The following GNLY variants were observed in gnomAD, a reference collection of about 807,000 sequenced individuals.
The protein encoded by GNLY is granulysin.
In GNLY, 15 loss-of-function variants were observed where a neutral mutation model predicts 18.5. The ratio of observed to expected loss-of-function variants is 0.81; its 90% CI spans 0.54 to 1.25. GNLY has a LOEUF of 1.25. Ranked by LOEUF, GNLY falls within the 50% of genes most tolerant of loss-of-function variation. The pLI is 0.00. For synonymous variants in GNLY, 77 were observed against 74.9 expected (o/e 1.03, Z -0.14); for missense variants, 178 against 186.9 (o/e 0.95, Z 0.28).
intron 1 of GNLY, 64 bp from the exon 2 acceptor site, chr2:85,695,256 A>G: frequency 8.3e-7 from 1 of 1,201,708 alleles, no homozygotes. Context: ...CCCACCAGCC[A>G]GGAGAACGGG....
At chr2:85,695,128 G>T in intron 1 of GNLY, 192 bp from the exon 2 acceptor site, 1 of 962,016 alleles carries the variant, frequency 1.0e-6, no homozygotes, top group South Asian at 1.6e-5. Flanking sequence ...AGGAACGTGA[G>T]AACACGTGTT....
In GNLY at chr2:85,698,818, T is replaced by C; in HGVS notation, c.*244T>C. On this transcript the variant is annotated 3_prime_UTR_variant, in exon 5 of 5. Coordinates refer to ENST00000263863, the MANE Select transcript of GNLY (RefSeq NM_006433.5). ...GTCAGTGGCATGCTGGGGTGAGCTG[T>C]GTAGTCCTTCAATAAATGTCTGTCG... 6.9e-7 allele frequency: 1 copy of C among 1,452,076 alleles called. No individual in the cohort carries two copies. Among genetic ancestry groups the C allele is most frequent in the Non-Finnish European group, 9.1e-7 (1 of 1,103,692 alleles). 89.9% of individuals were successfully genotyped at this position (1,452,076 alleles called of 1,614,324 possible). A position where few individuals can be genotyped will look rare whatever the true frequency, so the allele number is the denominator to read the frequency against.
At chr2:85,695,732 T>C (rs1045556043) in intron 2 of GNLY, among the ~76,000 whole-genome samples, 9 of 152,016 alleles carry the variant, frequency 5.9e-5, no homozygotes, top group Non-Finnish European at 1.0e-4. Context: ...GGGAAAGTAC[T>C]GGGGGTGTGG....
intron 3 of GNLY, chr2:85,696,370 G>A (rs1296217483): frequency 3.4e-6 from 1 of 298,012 alleles, no homozygotes; most frequent in Non-Finnish European, 6.3e-6. Context: ...CCAAGGCAGA[G>A]TTTGAGAAGC....
Position 85,698,650 on chromosome 2 carries a change from G to C in GNLY, c.*76G>C, listed in dbSNP as rs1263463570. On this transcript the variant is annotated 3_prime_UTR_variant, in exon 5 of 5. Coordinates refer to ENST00000263863, the MANE Select transcript of GNLY (RefSeq NM_006433.5). ...CCGGGAACCTCAGCAACCTCTGCCG[G>C]CTCCTCGCTTCCTCGATCCAGAATC... 6.2e-7 allele frequency: 1 copy of C among 1,610,650 alleles called. No homozygotes were observed. The highest frequency in any genetic ancestry group is 1.7e-5 in the Admixed American group (1 of 59,954).
intron 3 of GNLY, chr2:85,697,223 C>A: frequency 2.5e-6 from 1 of 395,514 alleles, no homozygotes. Flanking sequence ...CCATGGGCAC[C>A]ATTCTCCACA....
At chr2:85,697,261 C>G (rs1561285) in intron 3 of GNLY, 200,864 of 489,438 alleles carry the variant, frequency 0.41, 42,615 homozygotes, top group East Asian at 0.6. Flanking sequence ...GTGCACAAGG[C>G]GCTGAGACCC....
intron 1 of GNLY, chr2:85,694,872 G>A (rs897895747): frequency 2.5e-5 from 38 of 1,540,640 alleles, no homozygotes; most frequent in Non-Finnish European, 3.3e-5. Context: ...TCTCTTCTGT[G>A]TTCAAGGCAG....
intron 1 of GNLY, 177 bp from the exon 2 acceptor site, chr2:85,695,143 C>A (rs1678390607): frequency 1.1e-6 from 1 of 907,082 alleles, no homozygotes; most frequent in Non-Finnish European, 1.7e-6. Flanking sequence ...CGTGTTTGTG[C>A]TGAGAGTGGG....
chr2:85,695,050 G>A (rs897647791), intron 1 of GNLY: 84 of 1,514,958 alleles, frequency 5.5e-5, no homozygotes, highest in Non-Finnish European at 7.0e-5. Flanking sequence ...TAGACAAACC[G>A]ACCCCCAAAT....
At chr2:85,694,826 T>C (rs1678375672) in intron 1 of GNLY, 1 of 1,485,538 alleles carries the variant, frequency 6.7e-7, no homozygotes, top group South Asian at 1.3e-5. Context: ...GGGCCTACAC[T>C]GTCTAGGATT....
chr2:85,698,437 T>C (rs779300184), intron 4 of GNLY, 127 bp from the exon 5 acceptor site: 5 of 1,520,450 alleles, frequency 3.3e-6, no homozygotes, highest in Non-Finnish European at 4.5e-6. Flanking sequence ...GCTTCCAGGA[T>C]GTGCCTCTGG....
At position 85,694,407 on chromosome 2, in the gene GNLY, G is replaced by C; in HGVS notation, c.-12G>C. Reference sequence around the variant, plus strand: ...AACAGGGTGTGAAAGGCATCTCAGCGGCTGCCCCACCATGGCTACCTGGGC... The same window carrying C: ...AACAGGGTGTGAAAGGCATCTCAGCCGCTGCCCCACCATGGCTACCTGGGC... On this transcript the variant is annotated 5_prime_UTR_variant, in exon 1 of 5. Transcript: ENST00000263863. 3.1e-6 allele frequency: 5 copies of C among 1,613,802 alleles called. No homozygotes were observed. Among genetic ancestry groups the C allele is most frequent in the East Asian group, 2.2e-5 (1 of 44,884 alleles).
At position 85,698,836 on chromosome 2, in the gene GNLY, G is replaced by T; in HGVS notation, c.*262G>T. 7.0e-7 allele frequency: 1 copy of T among 1,426,818 alleles called. No individual in the cohort carries two copies. Among genetic ancestry groups the T allele is most frequent in the Admixed American group, 2.6e-5 (1 of 37,968 alleles). The allele number at this position is 1,426,818 out of a possible 1,614,324, so 88.4% of individuals were successfully genotyped here. On this transcript the variant is annotated 3_prime_UTR_variant, in exon 5 of 5. Coordinates refer to ENST00000263863, the MANE Select transcript of GNLY (RefSeq NM_006433.5). Reference sequence around the variant, plus strand: ...TGAGCTGTGTAGTCCTTCAATAAATGTCTGTCGTGTGTCCCATACACTGTT... The same window carrying T: ...TGAGCTGTGTAGTCCTTCAATAAATTTCTGTCGTGTGTCCCATACACTGTT...
Position 85,697,540 on chromosome 2 carries a change from G to A in GNLY, c.290G>A (p.Arg97Lys), listed in dbSNP as rs769889036. ...SVSNAATRVC[R>K]TGRSRWRDVC... ...TCCAATGCTGCGACCCGGGTGTGTA[G>A]GACGGGGAGGTCACGATGGCGCGAC... The change falls in exon 4 of 5, where the codon AGG becomes AAG. Residue 97 changes from arginine to lysine, a missense_variant. Physicochemically the swap from Arg to Lys is conservative, Grantham distance 26 (BLOSUM62 2). Transcript: ENST00000263863. The A allele has an allele frequency of 3.7e-6, 6 of 1,613,072 alleles. No individual in the cohort carries two copies. The highest frequency in any genetic ancestry group is 4.2e-6 in the Non-Finnish European group (5 of 1,179,948).
chr2:85,694,517 G>C, intron 1 of GNLY, 47 bp downstream of exon 1: 1 of 1,560,980 alleles, frequency 6.4e-7, no homozygotes. Context: ...ACCCAGCCTC[G>C]CACTCTCAGG....
At position 85,695,376 on chromosome 2, in the gene GNLY, C is replaced by T. The variant is rs766427846; in HGVS notation, c.109C>T (p.Arg37Cys). ...EYYDLARAHL[R>C]DEEKSCPCLA... The stretch of plus-strand genomic sequence containing the variant: ...CTACGACCTGGCAAGAGCCCACCTG[C>T]GTGATGAGGAGAAATCCTGCCCGTG... The change falls in exon 2 of 5, where the codon CGT becomes TGT. Residue 37 changes from arginine to cysteine, a missense_variant. Transcript: ENST00000263863. 16 of 1,613,794 alleles carry T rather than the reference C, an allele frequency of 9.9e-6. No individual in the cohort carries two copies. The highest frequency in any genetic ancestry group is 2.2e-5 in the South Asian group (2 of 91,078).
At position 85,694,361 on chromosome 2, in the gene GNLY, C is replaced by T. The variant is rs1216271827; in HGVS notation, c.-58C>T. 4 of 1,498,212 alleles carry T rather than the reference C, an allele frequency of 2.7e-6. No individual in the cohort carries two copies. Among genetic ancestry groups the T allele is most frequent in the Non-Finnish European group, 3.7e-6 (4 of 1,075,622 alleles). 92.8% of individuals were successfully genotyped at this position (1,498,212 alleles called of 1,614,324 possible). On this transcript the variant is annotated 5_prime_UTR_variant, in exon 1 of 5. Coordinates refer to ENST00000263863, the MANE Select transcript of GNLY (RefSeq NM_006433.5). The stretch of plus-strand genomic sequence containing the variant: ...AGGGCAGGACCTGAGAAAGATTAAG[C>T]TGCAGGCTCCCTGCCCATAAAACAG...
At position 85,698,831 on chromosome 2, in the gene GNLY, T is replaced by C. The variant is rs926078147; in HGVS notation, c.*257T>C. ...TGGGGTGAGCTGTGTAGTCCTTCAATAAATGTCTGTCGTGTGTCCCATACA... is the reference window on the plus strand; with the variant it reads ...TGGGGTGAGCTGTGTAGTCCTTCAACAAATGTCTGTCGTGTGTCCCATACA... On this transcript the variant is annotated 3_prime_UTR_variant, in exon 5 of 5. Transcript: ENST00000263863. 7.0e-7 allele frequency: 1 copy of C among 1,434,454 alleles called. No individual in the cohort carries two copies. Among genetic ancestry groups the C allele is most frequent in the Non-Finnish European group, 9.1e-7 (1 of 1,093,844 alleles). The allele number at this position is 1,434,454 out of a possible 1,614,324, so 88.9% of individuals were successfully genotyped here.
Sources: allele counts gnomAD v4.1 joint callset (sites outside exome capture counted in the v4.1 genomes callset), GRCh38; gene constraint gnomAD v4.1.1; transcripts MANE v1.5; gene names NCBI Gene and HGNC (gene_info 2026-07-23, HGNC 2026-07-21).